CD38: variants seen among roughly 807,000 people sequenced by gnomAD.
CD38 encodes the protein ADP-ribosyl cyclase/cyclic ADP-ribose hydrolase 1.
In CD38, 31 loss-of-function variants were observed where a neutral mutation model predicts 36.3. The ratio of observed to expected loss-of-function variants is 0.85; its 90% CI spans 0.64 to 1.15. The LOEUF is 1.15. Ranked by LOEUF, CD38 falls within the 50% of genes most tolerant of loss-of-function variation. The probability of loss-of-function intolerance (pLI) is 0.00; values close to 1 mark genes in which losing one functional copy is unlikely to be tolerated. For synonymous variants in CD38, 131 were observed against 135.2 expected (o/e 0.97, Z 0.22); for missense variants, 380 against 371.9 (o/e 1.02, Z -0.18).
At chr4:15,833,356 G>T (rs1723995308) in intron 3 of CD38, among the ~76,000 whole-genome samples, 1 of 152,202 alleles carries the variant, frequency 6.6e-6, no homozygotes, top group African/African-American at 2.4e-5. Flanking sequence ...AGATGTCGTT[G>T]TGAAGATAAA....
intron 1 of CD38, among the ~76,000 whole-genome samples, chr4:15,788,991 C>T (rs7661891): frequency 6.6e-6 from 1 of 151,848 alleles, no homozygotes; most frequent in South Asian, 2.1e-4. Context: ...TCATAAGGTT[C>T]GAATAAAACT....
At chr4:15,814,321 T>G (rs1723536567) in intron 1 of CD38, among the ~76,000 whole-genome samples, 1 of 152,208 alleles carries the variant, frequency 6.6e-6, no homozygotes. Flanking sequence ...TTTGTTTAAG[T>G]TGTAGACTTA....
At chr4:15,825,618 G>A (rs1436276263) in intron 3 of CD38, 1 of 152,228 alleles carries the variant, frequency 6.6e-6, no homozygotes, top group East Asian at 1.9e-4. Flanking sequence ...CTGTTTTCTT[G>A]AAAAATTGAC....
chr4:15,779,630 G>T (rs1212224806), intron 1 of CD38, among the ~76,000 whole-genome samples: 1 of 152,172 alleles, frequency 6.6e-6, no homozygotes, highest in Non-Finnish European at 1.5e-5. Flanking sequence ...AGTTCCGGTT[G>T]CAAAATGTTT....
In CD38 at chr4:15,786,504, G is replaced by A. The variant is rs1161778391; in HGVS notation, c.233+7857G>A. Among the ~76,000 whole-genome samples, 56 of 152,118 alleles carry A rather than the reference G, an allele frequency of 3.7e-4. 1 individual carries two copies. The highest frequency in any genetic ancestry group is 3.7e-3 in the Admixed American group (56 of 15,280). ...CCCTAGTAGATTAGCTAGACACAGA[G>A]CACTGATTGGTGCATTTACAAACCT... On this transcript the variant is annotated intron_variant, in intron 1 of 7. Transcript: ENST00000226279.
chr4:15,807,926 A>C (rs899703259), intron 1 of CD38, among the ~76,000 whole-genome samples: 1 of 152,176 alleles, frequency 6.6e-6, no homozygotes, highest in Non-Finnish European at 1.5e-5. Flanking sequence ...TTCATCCCTT[A>C]GATCCCTTTG....
chr4:15,786,264 C>A (rs1201990883), intron 1 of CD38, among the ~76,000 whole-genome samples: 4 of 152,240 alleles, frequency 2.6e-5, no homozygotes, highest in Non-Finnish European at 4.4e-5. Context: ...CTGGCCCCAC[C>A]CACATCCTGC....
intron 4 of CD38, 133 bp from the exon 5 acceptor site, chr4:15,837,959 C>A (rs1163155961): frequency 2.3e-5 from 16 of 684,318 alleles, no homozygotes; most frequent in Non-Finnish European, 3.0e-5. Context: ...TTGTGTAGAC[C>A]TGACATTCCT....
intron 1 of CD38, among the ~76,000 whole-genome samples, chr4:15,790,585 G>A (rs1314608497): frequency 1.3e-5 from 2 of 152,070 alleles, no homozygotes; most frequent in African/African-American, 4.8e-5. Flanking sequence ...TGCAGCCTCT[G>A]CCCGGCCGCC....
chr4:15,836,616 A>G (rs565793778), intron 4 of CD38, among the ~76,000 whole-genome samples: 44 of 152,350 alleles, frequency 2.9e-4, no homozygotes, highest in Non-Finnish European at 3.8e-4. Flanking sequence ...CCCTGGGCTA[A>G]TAAGTTACAG....
chr4:15,849,550 CAG>C lies in CD38; in HGVS notation c.*949_*950del, dbSNP rs1724341935. The C allele has an allele frequency of 6.6e-6, 1 of 152,200 alleles. No homozygotes were observed. Among genetic ancestry groups the C allele is most frequent in the Admixed American group, 6.5e-5 (1 of 15,278 alleles). 9.4% of individuals were successfully genotyped at this position (152,200 alleles called of 1,614,324 possible). A position where few individuals can be genotyped will look rare whatever the true frequency, so the allele number is the denominator to read the frequency against. ...CCGTCTTCCTCCTCCTCTTCATGCT[CAG>C]TGTTTTATATATGTAGTATACAGTT... On this transcript the variant is annotated 3_prime_UTR_variant, in exon 8 of 8. Coordinates refer to ENST00000226279, the MANE Select transcript of CD38 (RefSeq NM_001775.4).
chr4:15,796,108 C>T (rs1723098871), intron 1 of CD38, among the ~76,000 whole-genome samples: 2 of 152,010 alleles, frequency 1.3e-5, no homozygotes, highest in Non-Finnish European at 2.9e-5. Context: ...AATTAAATCT[C>T]CATGGGAATT....
chr4:15,781,166 C>A (rs1722687828), intron 1 of CD38, among the ~76,000 whole-genome samples: 1 of 152,160 alleles, frequency 6.6e-6, no homozygotes, highest in Non-Finnish European at 1.5e-5. Flanking sequence ...AATCTCCTTA[C>A]CAAACCTATA....
chr4:15,806,787 A>G (rs1723350848), intron 1 of CD38, among the ~76,000 whole-genome samples: 1 of 152,230 alleles, frequency 6.6e-6, no homozygotes. Flanking sequence ...ATTTGTGCCC[A>G]TCCTATGCTG....
At chr4:15,791,080 C>G (rs1242121584) in intron 1 of CD38, among the ~76,000 whole-genome samples, 2 of 122,146 alleles carry the variant, frequency 1.6e-5, no homozygotes, top group African/African-American at 7.4e-5. Flanking sequence ...CCAGCTGCCC[C>G]GTCCGGGAGG....
intron 2 of CD38, among the ~76,000 whole-genome samples, chr4:15,821,715 C>T (rs1723740352): frequency 6.8e-6 from 1 of 147,916 alleles, no homozygotes; most frequent in African/African-American, 2.5e-5. Context: ...AAAAAAAAGC[C>T]CAGGATCAGA....
chr4:15,778,716 GC>G lies in CD38; in HGVS notation c.233+72del. The G allele has an allele frequency of 2.8e-6, 3 of 1,076,426 alleles. No homozygotes were observed. Among genetic ancestry groups the G allele is most frequent in the Non-Finnish European group, 2.7e-6 (2 of 727,570 alleles). The allele number at this position is 1,076,426 out of a possible 1,614,324, so 66.7% of individuals were successfully genotyped here. A position where few individuals can be genotyped will look rare whatever the true frequency, so the allele number is the denominator to read the frequency against. On this transcript the variant is annotated intron_variant, in intron 1 of 7. Coordinates refer to ENST00000226279, the MANE Select transcript of CD38 (RefSeq NM_001775.4). This position sits in a 1 kb window ranked among gnomAD's most constrained non-coding sequence, Gnocchi z 4.9. ...GCAGGGCCCCGCGCGCAGGGAAGCC[GC>G]CCGGATCGCCCGGAACCGGGCATCT...
intron 1 of CD38, among the ~76,000 whole-genome samples, chr4:15,785,990 C>A (rs1003770865): frequency 6.6e-6 from 1 of 152,044 alleles, no homozygotes; most frequent in Non-Finnish European, 1.5e-5. Flanking sequence ...CTTAAGGCAG[C>A]GCGTCTGGAG....
At chr4:15,823,367 A>G (rs1723780586) in intron 2 of CD38, among the ~76,000 whole-genome samples, 1 of 152,262 alleles carries the variant, frequency 6.6e-6, no homozygotes, top group Non-Finnish European at 1.5e-5. Context: ...AGAAGAAACT[A>G]TCATCAGAGT....
Sources: allele counts gnomAD v4.1 joint callset (sites outside exome capture counted in the v4.1 genomes callset), GRCh38; gene constraint gnomAD v4.1.1; non-coding constraint Gnocchi (gnomAD v3.1); transcripts MANE v1.5; gene names NCBI Gene and HGNC (gene_info 2026-07-23, HGNC 2026-07-21).